The following RAC2 variants were observed in gnomAD, a reference collection of about 807,000 sequenced individuals.
RAC2 encodes the protein Rac family small GTPase 2.
Under a neutral mutation model 24.0 loss-of-function variants are expected in RAC2, and 1 was observed. The ratio of observed to expected loss-of-function variants is 0.04; its 90% CI spans 0.01 to 0.20. The LOEUF (loss-of-function observed/expected upper bound fraction) is 0.20. RAC2 is among the 10% of genes least tolerant of loss of function. The probability of loss-of-function intolerance (pLI) is 1.00; values close to 1 mark genes in which losing one functional copy is unlikely to be tolerated. For missense variants in RAC2, 130 were observed against 259.1 expected (o/e 0.50, Z 3.42); for synonymous variants, 114 against 106.8 (o/e 1.07, Z -0.41).
rs574041876 is a variant in RAC2, at chr22:37,243,044, G to C, written c.35+1070C>G. 9.9e-5 allele frequency among the ~76,000 whole-genome samples: 15 copies of C among 152,284 alleles called. 1 individual carries two copies. The East Asian group carries it at 2.7e-3, about 27-fold the overall frequency. On this transcript the variant is annotated intron_variant, in intron 1 of 6. Transcript: ENST00000249071. ...AGACAGCGTCTTGCTCTGTCACCCAGGCTGACTGCAGTGGCACCATTATAG... is the reference window on the plus strand; with the variant it reads ...AGACAGCGTCTTGCTCTGTCACCCACGCTGACTGCAGTGGCACCATTATAG...
Position 37,244,257 on chromosome 22 carries a change from G to T in RAC2, c.-109C>A. ...GAGGCGCCTGCTGAGGAGCAGCGGTGGTGGGGCAGGAGGAAACGGAAGGGG... is the reference window on the plus strand; with the variant it reads ...GAGGCGCCTGCTGAGGAGCAGCGGTTGTGGGGCAGGAGGAAACGGAAGGGG... On this transcript the variant is annotated 5_prime_UTR_variant, in exon 1 of 7. Coordinates refer to ENST00000249071, the MANE Select transcript of RAC2 (RefSeq NM_002872.5). The T allele has an allele frequency of 7.9e-7, 1 of 1,266,000 alleles. No homozygotes were observed. The highest frequency in any genetic ancestry group is 1.1e-6 in the Non-Finnish European group (1 of 888,020). 78.4% of individuals were successfully genotyped at this position (1,266,000 alleles called of 1,614,324 possible).
intron 2 of RAC2, among the ~76,000 whole-genome samples, chr22:37,237,197 A>G (rs1927250264): frequency 7.2e-6 from 1 of 137,996 alleles, no homozygotes; most frequent in African/African-American, 2.7e-5. Flanking sequence ...GGAAGGAAGG[A>G]AGGAAGGGAG....
chr22:37,241,320 C>T (rs1410515942), intron 2 of RAC2, among the ~76,000 whole-genome samples: 3 of 152,218 alleles, frequency 2.0e-5, no homozygotes, highest in Admixed American at 6.5e-5. Flanking sequence ...CCTTCTCCTC[C>T]ACGTCCCTTT....
At chr22:37,226,609 G>A (rs1926842048) in intron 6 of RAC2, 62 bp downstream of exon 6, 2 of 1,592,040 alleles carry the variant, frequency 1.3e-6, no homozygotes, top group Non-Finnish European at 8.6e-7. Context: ...TGAACCAAAG[G>A]CCACTGCTCA....
intron 2 of RAC2, among the ~76,000 whole-genome samples, chr22:37,233,837 C>G (rs975600330): frequency 3.3e-5 from 5 of 152,086 alleles, no homozygotes; most frequent in African/African-American, 1.2e-4. Flanking sequence ...GTGCTCAGGG[C>G]GTCCCCAGAG....
At chr22:37,232,743 A>G in intron 3 of RAC2, 58 bp downstream of exon 3, 2 of 1,450,124 alleles carry the variant, frequency 1.4e-6, no homozygotes, top group Non-Finnish European at 9.7e-7. Flanking sequence ...GGGCATCCCA[A>G]GCAGAGGGAA....
Position 37,231,448 on chromosome 22 carries a change from G to T in RAC2, c.289-58C>A. Reference sequence around the variant, plus strand: ...ATGGGTCAAGAGGGGGCGCGAGGCTGTGCGGGGATCAGAGGGAGTGTGAGG... The same window carrying T: ...ATGGGTCAAGAGGGGGCGCGAGGCTTTGCGGGGATCAGAGGGAGTGTGAGG... On this transcript the variant is annotated intron_variant, in intron 4 of 6. Transcript: ENST00000249071. This position sits in a 1 kb window ranked among gnomAD's most constrained non-coding sequence, Gnocchi z 5.5. 1 of 1,544,672 alleles carries T rather than the reference G, an allele frequency of 6.5e-7. No homozygotes were observed. Among genetic ancestry groups the T allele is most frequent in the Non-Finnish European group, 8.9e-7 (1 of 1,121,664 alleles).
chr22:37,238,964 G>A (rs970984186), intron 2 of RAC2, among the ~76,000 whole-genome samples: 2 of 152,162 alleles, frequency 1.3e-5, no homozygotes, highest in Admixed American at 1.3e-4. Context: ...TGCAGCAGGG[G>A]CCTCCCCAAC....
intron 2 of RAC2, among the ~76,000 whole-genome samples, chr22:37,234,126 C>T (rs1248894959): frequency 6.6e-6 from 1 of 151,832 alleles, no homozygotes; most frequent in African/African-American, 2.4e-5. Flanking sequence ...GCATCGGGTG[C>T]AGAGCCAGCG....
chr22:37,234,968 C>T (rs35883266), intron 2 of RAC2, among the ~76,000 whole-genome samples: 13,814 of 152,252 alleles, frequency 0.091, 806 homozygotes, highest in Non-Finnish European at 0.14. Flanking sequence ...GCCTGGACCA[C>T]GAGCAGGCAC....
In RAC2 at chr22:37,233,048, C is replaced by A. The variant is rs898505182; in HGVS notation, c.108-130G>T. On this transcript the variant is annotated intron_variant, in intron 2 of 6. Coordinates refer to ENST00000249071, the MANE Select transcript of RAC2 (RefSeq NM_002872.5). ...AGTCTGCGACTGGCCCAAAGTCACACAGCATTTGCAATTGGGTTTCTTTAT... is the reference window on the plus strand; with the variant it reads ...AGTCTGCGACTGGCCCAAAGTCACAAAGCATTTGCAATTGGGTTTCTTTAT... 3.4e-5 allele frequency: 24 copies of A among 715,168 alleles called. No homozygotes were observed. The South Asian group carries it at 3.5e-4, about 11-fold the overall frequency. 44.3% of individuals were successfully genotyped at this position (715,168 alleles called of 1,614,324 possible). A position where few individuals can be genotyped will look rare whatever the true frequency, so the allele number is the denominator to read the frequency against.
rs1441811691 is a variant in RAC2, at chr22:37,240,864, G to A, written c.107+723C>T. ...AGAACAGCTTGAGCAAAGGCCCTGG[G>A]GTAGAAATGTGCAGGGAGCTTGTGG... On this transcript the variant is annotated intron_variant, in intron 2 of 6. Transcript: ENST00000249071. 6 of 615,996 alleles carry A rather than the reference G, an allele frequency of 9.7e-6. 1 individual carries two copies. In the South Asian group the frequency reaches 1.1e-4, roughly 12 times the overall value. 38.2% of individuals were successfully genotyped at this position (615,996 alleles called of 1,614,324 possible).
intron 2 of RAC2, among the ~76,000 whole-genome samples, chr22:37,235,938 C>T (rs932306891): frequency 6.6e-6 from 1 of 152,154 alleles, no homozygotes; most frequent in Non-Finnish European, 1.5e-5. Flanking sequence ...TATGTTAGGT[C>T]TTGAAGTCTC....
chr22:37,227,472 C>CA (rs564653480), intron 5 of RAC2, among the ~76,000 whole-genome samples: 167 of 360 alleles, frequency 0.46, 13 homozygotes, highest in Middle Eastern at 0.5. Flanking sequence ...ACGCCATACA[C>CA]CCCCTCCCAC....
In RAC2 at chr22:37,244,154, C is replaced by A. The variant is rs376050623; in HGVS notation, c.-6G>T. 42 of 1,614,130 alleles carry A rather than the reference C, an allele frequency of 2.6e-5. No homozygotes were observed. The highest frequency in any genetic ancestry group is 3.6e-5 in the Non-Finnish European group (42 of 1,179,994). ...ACACACTTGATGGCCTGCATCGTGT[C>A]CGGAGCCTGGAGAGTGTCGGTGGTG... On this transcript the variant is annotated 5_prime_UTR_variant, in exon 1 of 7. Coordinates refer to ENST00000249071, the MANE Select transcript of RAC2 (RefSeq NM_002872.5).
At position 37,231,544 on chromosome 22, in the gene RAC2, G is replaced by A. The variant is rs533256516; in HGVS notation, c.289-154C>T. The A allele has an allele frequency of 4.7e-5, 33 of 697,346 alleles. No homozygotes were observed. The highest frequency in any genetic ancestry group is 6.6e-5 in the Non-Finnish European group (27 of 410,694). 43.2% of individuals were successfully genotyped at this position (697,346 alleles called of 1,614,324 possible). ...GGCACGACGGTGAGGAGAGAGAGAC[G>A]TGAGGTGGCACAGGGAGGGGAGGCC... On this transcript the variant is annotated intron_variant, in intron 4 of 6. Coordinates refer to ENST00000249071, the MANE Select transcript of RAC2 (RefSeq NM_002872.5). The surrounding 1 kb of genome is among the most constrained non-coding windows in gnomAD (Gnocchi z 5.5).
chr22:37,226,523 T>A, intron 6 of RAC2, 148 bp downstream of exon 6: 1 of 1,056,126 alleles, frequency 9.5e-7, no homozygotes, highest in Non-Finnish European at 1.4e-6. Flanking sequence ...CCCAGGCAGA[T>A]GACAAGTAGG....
intron 2 of RAC2, among the ~76,000 whole-genome samples, chr22:37,233,186 A>G (rs1032649395): frequency 1.3e-5 from 2 of 152,240 alleles, no homozygotes. Flanking sequence ...TTGGAAAGGT[A>G]ATTGAGGCTG....
At position 37,231,207 on chromosome 22, in the gene RAC2, C is replaced by G; in HGVS notation, c.448+24G>C. ...CAGGGCCTCCCCTGCAGCCAGATCG[C>G]CCCTCTGAGCCCGAGGCCCATACCA... On this transcript the variant is annotated intron_variant, in intron 5 of 6. Coordinates refer to ENST00000249071, the MANE Select transcript of RAC2 (RefSeq NM_002872.5). This position sits in a 1 kb window ranked among gnomAD's most constrained non-coding sequence, Gnocchi z 5.5. 6.2e-7 allele frequency: 1 copy of G among 1,612,470 alleles called. No homozygotes were observed. Among genetic ancestry groups the G allele is most frequent in the Non-Finnish European group, 8.5e-7 (1 of 1,179,866 alleles).
Sources: gnomAD v4.1 joint callset for allele counts (sites outside exome capture counted in the v4.1 genomes callset) on GRCh38, gnomAD v4.1.1 for gene constraint, Gnocchi (gnomAD v3.1) non-coding constraint, MANE v1.5 for transcripts, NCBI Gene and HGNC (gene_info 2026-07-23, HGNC 2026-07-21) for gene names.